Variants in KCNH8 observed in about 807,000 individuals in gnomAD.
KCNH8 encodes potassium voltage-gated channel subfamily H member 8, also known as voltage-gated delayed rectifier potassium channel KCNH8.
A neutral mutation model predicts 103.6 loss-of-function variants in KCNH8; 70 were observed. The ratio of observed to expected loss-of-function variants is 0.68; its 90% confidence interval spans 0.56 to 0.82. KCNH8 has a LOEUF of 0.82. Ranked by LOEUF, KCNH8 falls within the 40% of genes least tolerant of loss-of-function variation. The pLI is 0.00. For synonymous variants in KCNH8, 498 were observed against 489.4 expected, an observed-to-expected ratio of 1.02 and a Z score of -0.23; for missense variants, 1,217 against 1,329.9, an observed-to-expected ratio of 0.92 and a Z score of 1.32.
intron 2 of KCNH8, among the ~76,000 whole-genome samples, chr3:19,267,805 G>T (rs116753664): frequency 6.6e-6 from 1 of 151,990 alleles, no homozygotes; most frequent in South Asian, 2.1e-4. Flanking sequence ...AGACCAAAAG[G>T]CTTCTGTCCC....
intron 1 of KCNH8, among the ~76,000 whole-genome samples, chr3:19,189,235 A>G (rs2063529329): frequency 2.0e-5 from 3 of 152,062 alleles, no homozygotes; most frequent in Admixed American, 2.0e-4. Context: ...TATTCAATGA[A>G]TATTCAATAC....
chr3:19,522,441 T>G (rs1024711586), intron 15 of KCNH8, among the ~76,000 whole-genome samples: 1 of 151,770 alleles, frequency 6.6e-6, no homozygotes, highest in Non-Finnish European at 1.5e-5. Flanking sequence ...GCTCAAACAG[T>G]CAGGCAGGAG....
At chr3:19,209,011 T>C (rs1480227555) in intron 1 of KCNH8, among the ~76,000 whole-genome samples, 1 of 151,998 alleles carries the variant, frequency 6.6e-6, no homozygotes, top group Non-Finnish European at 1.5e-5. Flanking sequence ...TCTATATTTA[T>C]GTCTATATCT....
chr3:19,371,349 T>C (rs1443486782), intron 5 of KCNH8, among the ~76,000 whole-genome samples: 2 of 152,188 alleles, frequency 1.3e-5, no homozygotes, highest in East Asian at 3.9e-4. Context: ...CTTGCATTTC[T>C]CTGATGGCCA....
intron 11 of KCNH8, among the ~76,000 whole-genome samples, chr3:19,493,137 G>C (rs1313871256): frequency 6.6e-6 from 1 of 152,012 alleles, no homozygotes; most frequent in Non-Finnish European, 1.5e-5. Flanking sequence ...AGAGTCTTTA[G>C]GGGTTTCTAG....
intron 11 of KCNH8, among the ~76,000 whole-genome samples, chr3:19,472,807 G>A (rs115448639): frequency 6.6e-6 from 1 of 152,116 alleles, no homozygotes; most frequent in African/African-American, 2.4e-5. Context: ...AATCTCCCAT[G>A]GGCATCAAGC....
At chr3:19,392,252 G>C (rs867344831) in intron 6 of KCNH8, among the ~76,000 whole-genome samples, 1 of 145,356 alleles carries the variant, frequency 6.9e-6, no homozygotes, top group Admixed American at 7.0e-5. Flanking sequence ...CTCTCTTTTC[G>C]TCAATCTTAT....
chr3:19,209,745 A>G (rs868614329), intron 1 of KCNH8, among the ~76,000 whole-genome samples: 12 of 152,182 alleles, frequency 7.9e-5, no homozygotes, highest in Middle Eastern at 3.4e-3. Context: ...CATGAAACTT[A>G]ACAGGGAGGC....
chr3:19,260,486 G>GTA (rs2064416195), intron 2 of KCNH8, among the ~76,000 whole-genome samples: 1 of 39,640 alleles, frequency 2.5e-5, no homozygotes, highest in Non-Finnish European at 4.9e-5. Flanking sequence ...TTACTCTATA[G>GTA]GATATATATA....
In KCNH8 at chr3:19,515,318, G is replaced by A. The variant is rs373923119; in HGVS notation, c.2436-4G>A. On this transcript the variant is annotated splice_region_variant and splice_polypyrimidine_tract_variant and intron_variant, in intron 13 of 15. Transcript: ENST00000328405. ...AGCCAGCCAATTTCCTTTATTTTAA[G>A]TAGGATTGTTGATGGAATTGAAGAT... The A allele has an allele frequency of 2.6e-6, 4 of 1,554,400 alleles. No homozygotes were observed. The African/African-American group carries it at 5.5e-5, about 21-fold the overall frequency.
At chr3:19,484,039 C>T (rs1559349985) in intron 11 of KCNH8, among the ~76,000 whole-genome samples, 1 of 151,962 alleles carries the variant, frequency 6.6e-6, no homozygotes, top group Non-Finnish European at 1.5e-5. Flanking sequence ...CATTTCCTTT[C>T]TAACTTATTG....
At chr3:19,170,853 A>G (rs537503251) in intron 1 of KCNH8, among the ~76,000 whole-genome samples, 1 of 133,572 alleles carries the variant, frequency 7.5e-6, no homozygotes, top group East Asian at 2.1e-4. Context: ...GCTCTCGCCC[A>G]GGCTGGAGTG....
At chr3:19,499,476 G>C (rs1349853840) in intron 11 of KCNH8, among the ~76,000 whole-genome samples, 1 of 152,108 alleles carries the variant, frequency 6.6e-6, no homozygotes, top group Non-Finnish European at 1.5e-5. Context: ...GCAACTCCAA[G>C]ACACATAATT....
intron 1 of KCNH8, among the ~76,000 whole-genome samples, chr3:19,195,560 T>G (rs2063592669): frequency 6.6e-6 from 1 of 151,916 alleles, no homozygotes; most frequent in Admixed American, 6.6e-5. Context: ...ATGGAACATC[T>G]TTTACTCCCT....
At chr3:19,369,562 A>G (rs2066059342) in intron 5 of KCNH8, among the ~76,000 whole-genome samples, 1 of 152,042 alleles carries the variant, frequency 6.6e-6, no homozygotes, top group African/African-American at 2.4e-5. Flanking sequence ...AGCCTGATTC[A>G]TTCACTAAAT....
intron 5 of KCNH8, among the ~76,000 whole-genome samples, chr3:19,359,864 A>G (rs969879883): frequency 6.6e-6 from 1 of 152,048 alleles, no homozygotes; most frequent in Non-Finnish European, 1.5e-5. Flanking sequence ...TAAATAAGAT[A>G]TTGCTGAGCT....
intron 1 of KCNH8, among the ~76,000 whole-genome samples, chr3:19,201,514 T>C (rs1243034920): frequency 4.6e-5 from 7 of 152,074 alleles, no homozygotes; most frequent in Non-Finnish European, 8.8e-5. Context: ...TGAGAAAGGA[T>C]CATAGTGACA....
chr3:19,465,334 C>A (rs1258563448), intron 11 of KCNH8, among the ~76,000 whole-genome samples: 1 of 152,126 alleles, frequency 6.6e-6, no homozygotes, highest in Non-Finnish European at 1.5e-5. Context: ...AACAACAAAG[C>A]CTAGATGTAG....
chr3:19,372,605 C>G (rs1215695118), intron 5 of KCNH8, among the ~76,000 whole-genome samples: 1 of 152,140 alleles, frequency 6.6e-6, no homozygotes, highest in African/African-American at 2.4e-5. Flanking sequence ...CCGTTTATTT[C>G]CTTCTCCTGC....
Sources: gnomAD v4.1 joint callset for allele counts (sites outside exome capture counted in the v4.1 genomes callset) on GRCh38, gnomAD v4.1.1 for gene constraint, MANE v1.5 for transcripts, NCBI Gene and HGNC (gene_info 2026-07-23, HGNC 2026-07-21) for gene names.